The following CCSER1 variants were observed in gnomAD, a reference collection of about 807,000 sequenced individuals.
CCSER1 encodes serine-rich coiled-coil domain-containing protein 1.
In CCSER1, 41 loss-of-function variants were observed where a neutral mutation model predicts 82.0. The observed-to-expected ratio is 0.50, with a 90% CI of 0.39 to 0.65. CCSER1 has a LOEUF of 0.65. CCSER1 is among the 30% of genes least tolerant of loss of function. The pLI is 0.00. For synonymous variants in CCSER1, 414 were observed against 383.9 expected (o/e 1.08, Z -0.92); for missense variants, 1,119 against 1,064.2 (o/e 1.05, Z -0.72).
At chr4:91,190,351 C>T (rs1734896273) in intron 10 of CCSER1, among the ~76,000 whole-genome samples, 2 of 152,170 alleles carry the variant, frequency 1.3e-5, no homozygotes, top group Admixed American at 1.3e-4. Context: ...TTCCAATTCT[C>T]AGCAATCTCT....
intron 4 of CCSER1, among the ~76,000 whole-genome samples, chr4:90,462,483 T>C (rs1763070238): frequency 2.0e-5 from 3 of 152,198 alleles, no homozygotes; most frequent in Non-Finnish European, 4.4e-5. Context: ...CTATGGACTT[T>C]ACATGTAGAG....
intron 1 of CCSER1, among the ~76,000 whole-genome samples, chr4:90,229,812 G>A (rs1343418689): frequency 6.6e-6 from 1 of 152,072 alleles, no homozygotes; most frequent in Non-Finnish European, 1.5e-5. Flanking sequence ...AAAGGCAGGG[G>A]TTGCAATCCT....
intron 9 of CCSER1, among the ~76,000 whole-genome samples, chr4:91,080,969 A>T (rs1003464523): frequency 2.0e-5 from 3 of 152,168 alleles, no homozygotes; most frequent in African/African-American, 7.2e-5. Context: ...GCCAAATTCT[A>T]CCCAGAGGTA....
intron 7 of CCSER1, among the ~76,000 whole-genome samples, chr4:90,778,568 A>C (rs564015881): frequency 1.5e-4 from 23 of 151,456 alleles, no homozygotes; most frequent in South Asian, 1.2e-3. Flanking sequence ...ACACTAACAT[A>C]TTTTTTAAAA....
intron 10 of CCSER1, among the ~76,000 whole-genome samples, chr4:91,505,035 C>T (rs1759411874): frequency 6.6e-6 from 1 of 152,058 alleles, no homozygotes; most frequent in Non-Finnish European, 1.5e-5. Context: ...ACCTATCAAC[C>T]CATCACCTAT....
chr4:90,231,546 C>A (rs1224495321), intron 1 of CCSER1, among the ~76,000 whole-genome samples: 1 of 144,436 alleles, frequency 6.9e-6, no homozygotes, highest in East Asian at 2.1e-4. Flanking sequence ...GAAGCATTCC[C>A]TTTGAAAACT....
chr4:90,411,669 T>A (rs560883248), intron 4 of CCSER1, among the ~76,000 whole-genome samples: 1 of 152,358 alleles, frequency 6.6e-6, no homozygotes, highest in South Asian at 2.1e-4. Context: ...AATATCATAC[T>A]GAATGGACAA....
intron 7 of CCSER1, among the ~76,000 whole-genome samples, chr4:90,755,338 A>G (rs773325712): frequency 3.9e-5 from 6 of 152,170 alleles, no homozygotes; most frequent in Non-Finnish European, 7.3e-5. Context: ...TTATTTTCCC[A>G]TATTTCCATT....
In CCSER1 at chr4:91,022,181, G is replaced by A. The variant is rs1276653609; in HGVS notation, c.2173-63769G>A. On this transcript the variant is annotated intron_variant, in intron 9 of 10. Transcript: ENST00000509176. The stretch of plus-strand genomic sequence containing the variant: ...CCCACCCCACACCAGGCCCTGGTGT[G>A]TGATGTTCCCCTTCCTGTGTCCATG... Among the ~76,000 whole-genome samples, 5 of 134,128 alleles carry A rather than the reference G, an allele frequency of 3.7e-5. No homozygotes were observed. In the East Asian group the frequency reaches 8.8e-4, roughly 24 times the overall value. The allele number at this position is 134,128 out of a possible 152,430, so 88.0% of individuals were successfully genotyped here.
chr4:91,377,120 G>A (rs1750479779), intron 10 of CCSER1, among the ~76,000 whole-genome samples: 1 of 152,086 alleles, frequency 6.6e-6, no homozygotes, highest in Non-Finnish European at 1.5e-5. Context: ...TGGTATATAT[G>A]TGTCACATTT....
chr4:90,138,357 A>G (rs901809225), intron 1 of CCSER1, among the ~76,000 whole-genome samples: 4 of 152,110 alleles, frequency 2.6e-5, no homozygotes, highest in Non-Finnish European at 5.9e-5. Context: ...ACGCCCAACT[A>G]AGAATGACAT....
chr4:91,264,658 A>T (rs1262547116), intron 10 of CCSER1, among the ~76,000 whole-genome samples: 12 of 152,068 alleles, frequency 7.9e-5, no homozygotes, highest in Non-Finnish European at 7.4e-5. Context: ...TGTGGAGAAC[A>T]CTAAAAACAG....
chr4:91,374,535 C>T (rs949742228), intron 10 of CCSER1, among the ~76,000 whole-genome samples: 1 of 152,130 alleles, frequency 6.6e-6, no homozygotes, highest in African/African-American at 2.4e-5. Flanking sequence ...GCACAGCAAA[C>T]AAGATTCCTT....
chr4:91,369,059 A>G (rs1749836568), intron 10 of CCSER1, among the ~76,000 whole-genome samples: 1 of 152,116 alleles, frequency 6.6e-6, no homozygotes, highest in South Asian at 2.1e-4. Context: ...AGTGACTTCC[A>G]TGTGTTCTGT....
chr4:91,282,416 CA>C (rs1278298054), intron 10 of CCSER1, among the ~76,000 whole-genome samples: 1 of 152,132 alleles, frequency 6.6e-6, no homozygotes, highest in Non-Finnish European at 1.5e-5. Flanking sequence ...TTGGTGCTAA[CA>C]ACCTACACTT....
Position 91,193,569 on chromosome 4 carries a change from T to G in CCSER1, c.2217+107575T>G, listed in dbSNP as rs1324984305. On this transcript the variant is annotated intron_variant, in intron 10 of 10. Coordinates refer to ENST00000509176, the MANE Select transcript of CCSER1 (RefSeq NM_001145065.2). ...CATATTTATCAGCATTACTGTAAAG[T>G]ACAAAAATACTAAAAGCAAAAGCAC... Among the ~76,000 whole-genome samples the G allele has an allele frequency of 2.6e-5, 4 of 152,144 alleles. No homozygotes were observed. The East Asian group carries it at 7.7e-4, about 29-fold the overall frequency.
chr4:90,410,100 A>G (rs971829854), intron 4 of CCSER1, among the ~76,000 whole-genome samples: 1 of 152,232 alleles, frequency 6.6e-6, no homozygotes, highest in Non-Finnish European at 1.5e-5. Context: ...ATATGCATGC[A>G]CCCATTACAG....
At chr4:91,166,452 A>T (rs1488877261) in intron 10 of CCSER1, among the ~76,000 whole-genome samples, 1 of 152,202 alleles carries the variant, frequency 6.6e-6, no homozygotes, top group Admixed American at 6.5e-5. Context: ...GAAGATAGCC[A>T]AATAGAAAGT....
At chr4:90,537,934 CT>C (rs535589562) in intron 5 of CCSER1, among the ~76,000 whole-genome samples, 467 of 152,080 alleles carry the variant, frequency 3.1e-3, no homozygotes, top group South Asian at 5.8e-3. Flanking sequence ...CATTTTTTCT[CT>C]TTTCTGTTTT....
Sources: allele counts gnomAD v4.1 joint callset (sites outside exome capture counted in the v4.1 genomes callset), GRCh38; gene constraint gnomAD v4.1.1; transcripts MANE v1.5; gene names NCBI Gene and HGNC (gene_info 2026-07-23, HGNC 2026-07-21).